The following SORCS2 variants were observed in gnomAD, a reference collection of about 807,000 sequenced individuals.
SORCS2 encodes the protein VPS10 domain-containing receptor SorCS2.
Under a neutral mutation model 141.6 loss-of-function variants are expected in SORCS2, and 100 were observed. The ratio of observed to expected loss-of-function variants is 0.71; its 90% CI spans 0.60 to 0.83. The LOEUF (loss-of-function observed/expected upper bound fraction) is 0.83. Among genes scored for constraint, SORCS2 ranks in the 40% least tolerant of loss-of-function variants. The pLI is 0.00. For synonymous variants in SORCS2, 789 were observed against 676.9 expected (o/e 1.17, Z -2.57); for missense variants, 1,646 against 1,560.2 (o/e 1.05, Z -0.93).
chr4:7,553,479 A>G (rs1217606542), intron 3 of SORCS2, among the ~76,000 whole-genome samples: 1 of 152,270 alleles, frequency 6.6e-6, no homozygotes, highest in Non-Finnish European at 1.5e-5. Context: ...TTTTATACCC[A>G]GCTAAGCTGT....
intron 2 of SORCS2, among the ~76,000 whole-genome samples, chr4:7,428,638 C>G (rs1429431991): frequency 1.3e-5 from 2 of 152,160 alleles, no homozygotes; most frequent in African/African-American, 4.8e-5. Flanking sequence ...AGGAGCATGT[C>G]TAGGGCCAAA....
chr4:7,197,810 C>T (rs1727260373), intron 1 of SORCS2, among the ~76,000 whole-genome samples: 2 of 152,208 alleles, frequency 1.3e-5, no homozygotes, highest in African/African-American at 4.8e-5. Context: ...AATTGAGCTT[C>T]AGAGGCAGCC....
At chr4:7,507,546 C>A (rs183391662) in intron 2 of SORCS2, among the ~76,000 whole-genome samples, 169 of 152,190 alleles carry the variant, frequency 1.1e-3, no homozygotes, top group African/African-American at 3.8e-3. Context: ...AATAGAAAAA[C>A]CAAAGAAAGA....
intron 3 of SORCS2, among the ~76,000 whole-genome samples, chr4:7,632,586 T>C (rs1425270129): frequency 1.3e-5 from 2 of 152,158 alleles, no homozygotes; most frequent in South Asian, 4.1e-4. Context: ...GGGCTTTTTC[T>C]CCTCTCGCCT....
intron 2 of SORCS2, among the ~76,000 whole-genome samples, chr4:7,513,160 C>T (rs1732766358): frequency 1.3e-5 from 2 of 152,230 alleles, no homozygotes; most frequent in Admixed American, 1.3e-4. Flanking sequence ...CTCTGAGCCT[C>T]AGTTTTCGAA....
chr4:7,329,669 C>T (rs915501135), intron 1 of SORCS2, among the ~76,000 whole-genome samples: 4 of 152,366 alleles, frequency 2.6e-5, no homozygotes, highest in African/African-American at 7.2e-5. Flanking sequence ...TGCCCGCAAA[C>T]TTACTGGCTT....
At chr4:7,402,731 A>G (rs936769464) in intron 2 of SORCS2, among the ~76,000 whole-genome samples, 13 of 152,206 alleles carry the variant, frequency 8.5e-5, no homozygotes, top group African/African-American at 3.1e-4. Flanking sequence ...CCTTGGAGTC[A>G]TCAGACTTTC....
intron 3 of SORCS2, among the ~76,000 whole-genome samples, chr4:7,623,727 C>T (rs932942795): frequency 2.0e-5 from 3 of 152,156 alleles, no homozygotes; most frequent in Non-Finnish European, 2.9e-5. Context: ...GTTCAGTGAC[C>T]GAGCCCTTGC....
intron 1 of SORCS2, among the ~76,000 whole-genome samples, chr4:7,255,268 A>G (rs1055430305): frequency 6.6e-6 from 1 of 152,022 alleles, no homozygotes; most frequent in African/African-American, 2.4e-5. Context: ...AGAATCTAAC[A>G]GGTGGCTAAG....
At chr4:7,238,536 G>A (rs147138806) in intron 1 of SORCS2, among the ~76,000 whole-genome samples, 119 of 152,338 alleles carry the variant, frequency 7.8e-4, no homozygotes, top group African/African-American at 2.8e-3. Flanking sequence ...GCTCTCAGGA[G>A]TGAGGGGCCT....
At chr4:7,679,275 T>A (rs1419092255) in intron 9 of SORCS2, among the ~76,000 whole-genome samples, 1 of 152,208 alleles carries the variant, frequency 6.6e-6, no homozygotes, top group East Asian at 1.9e-4. Flanking sequence ...GGGTTATGAA[T>A]GGGGACTTAG....
chr4:7,349,484 G>A (rs1421756793), intron 1 of SORCS2, among the ~76,000 whole-genome samples: 1 of 152,100 alleles, frequency 6.6e-6, no homozygotes, highest in Non-Finnish European at 1.5e-5. Context: ...CCCTGGAGAG[G>A]CCCAGGAGGT....
At chr4:7,426,877 C>T (rs997382171) in intron 2 of SORCS2, among the ~76,000 whole-genome samples, 7 of 152,208 alleles carry the variant, frequency 4.6e-5, no homozygotes, top group African/African-American at 1.7e-4. Flanking sequence ...ACATCTGCTC[C>T]GGCAATGCCC....
chr4:7,617,165 T>C (rs548433538), intron 3 of SORCS2, among the ~76,000 whole-genome samples: 55 of 152,176 alleles, frequency 3.6e-4, no homozygotes, highest in African/African-American at 1.3e-3. Context: ...CCACCATCCA[T>C]CTATCCAAGT....
intron 10 of SORCS2, among the ~76,000 whole-genome samples, chr4:7,687,235 T>C (rs747450262): frequency 6.6e-6 from 1 of 152,100 alleles, no homozygotes; most frequent in Non-Finnish European, 1.5e-5. Context: ...CTACACCTTC[T>C]CCTTCTCCTG....
At chr4:7,451,808 A>C (rs1014343781) in intron 2 of SORCS2, among the ~76,000 whole-genome samples, 3 of 152,158 alleles carry the variant, frequency 2.0e-5, no homozygotes, top group Non-Finnish European at 2.9e-5. Context: ...GGCCAGACTG[A>C]AGCGGGGAGC....
chr4:7,375,894 C>A (rs941980217), intron 1 of SORCS2, among the ~76,000 whole-genome samples: 1 of 152,128 alleles, frequency 6.6e-6, no homozygotes, highest in Non-Finnish European at 1.5e-5. Flanking sequence ...GCTTGTTATT[C>A]GTGCGCAGGT....
At chr4:7,391,463 C>T (rs551373102) in intron 1 of SORCS2, among the ~76,000 whole-genome samples, 29 of 152,322 alleles carry the variant, frequency 1.9e-4, no homozygotes, top group African/African-American at 7.0e-4. Context: ...ATGAGCCCAG[C>T]ACAGGGCTTG....
intron 3 of SORCS2, among the ~76,000 whole-genome samples, chr4:7,548,531 A>G (rs1713444517): frequency 2.0e-5 from 3 of 152,120 alleles, no homozygotes; most frequent in South Asian, 2.1e-4. Flanking sequence ...TATCATCCCC[A>G]CCTACAGACA....
Sources: allele counts gnomAD v4.1 joint callset (sites outside exome capture counted in the v4.1 genomes callset), GRCh38; gene constraint gnomAD v4.1.1; transcripts MANE v1.5; gene names NCBI Gene and HGNC (gene_info 2026-07-23, HGNC 2026-07-21).